Variants in CAMK2B observed in about 807,000 individuals in gnomAD.
CAMK2B encodes calcium/calmodulin dependent protein kinase II beta.
In CAMK2B, 27 loss-of-function variants were observed where a neutral mutation model predicts 93.7. That is an observed-to-expected ratio of 0.29 (90% CI 0.21 to 0.40). The LOEUF is 0.40. Ranked by LOEUF, CAMK2B falls within the 10% of genes least tolerant of loss-of-function variation. The pLI is 1.00. For synonymous variants in CAMK2B, 374 were observed against 358.8 expected (o/e 1.04, Z -0.48); for missense variants, 568 against 895.8 (o/e 0.63, Z 4.67).
At chr7:44,243,553 G>A in intron 6 of CAMK2B, 26 bp from the exon 7 acceptor site, 1 of 1,593,310 alleles carries the variant, frequency 6.3e-7, no homozygotes, top group African/African-American at 1.3e-5. Flanking sequence ...CGGCACAAGG[G>A]TGCATGTTGT....
At chr7:44,266,901 A>C (rs1003706605) in intron 2 of CAMK2B, 1 of 151,722 alleles carries the variant, frequency 6.6e-6, no homozygotes, top group Non-Finnish European at 1.5e-5. Flanking sequence ...CCAAGAACCC[A>C]CCCCATCCAA....
chr7:44,228,945 C>T (rs763908351), intron 18 of CAMK2B, 21 bp from the exon 19 acceptor site: 23 of 1,607,034 alleles, frequency 1.4e-5, no homozygotes, highest in South Asian at 4.4e-5. Flanking sequence ...ACAGATGAGA[C>T]GTGAACATGA....
intron 2 of CAMK2B, among the ~76,000 whole-genome samples, chr7:44,276,367 G>T (rs369344231): frequency 2.6e-5 from 4 of 152,312 alleles, no homozygotes; most frequent in African/African-American, 9.6e-5. Flanking sequence ...GCTGTGGATT[G>T]CGCGGGAGCC....
At chr7:44,321,236 G>A (rs1044403898) in intron 1 of CAMK2B, among the ~76,000 whole-genome samples, 3 of 152,226 alleles carry the variant, frequency 2.0e-5, no homozygotes, top group African/African-American at 7.2e-5. Flanking sequence ...CTACCTAACA[G>A]GCCATTCGCT....
intron 5 of CAMK2B, among the ~76,000 whole-genome samples, chr7:44,251,591 C>T (rs1324715824): frequency 1.3e-5 from 2 of 152,206 alleles, no homozygotes; most frequent in Admixed American, 6.5e-5. Flanking sequence ...AATCACTGCC[C>T]GGATCCTGGC....
At chr7:44,251,249 G>A (rs933675187) in intron 5 of CAMK2B, among the ~76,000 whole-genome samples, 4 of 152,192 alleles carry the variant, frequency 2.6e-5, no homozygotes, top group Non-Finnish European at 5.9e-5. Context: ...GTTCAGACAT[G>A]GGGCTCTGCC....
chr7:44,313,254 A>G (rs1794018023), intron 1 of CAMK2B, among the ~76,000 whole-genome samples: 1 of 152,046 alleles, frequency 6.6e-6, no homozygotes, highest in African/African-American at 2.4e-5. Flanking sequence ...GGGCACACAC[A>G]TTGTGCCTCA....
intron 5 of CAMK2B, 65 bp from the exon 6 acceptor site, chr7:44,247,257 G>A: frequency 7.3e-7 from 1 of 1,366,650 alleles, no homozygotes; most frequent in South Asian, 1.2e-5. Flanking sequence ...AGGCACTGGG[G>A]GCAGGGGCAA....
intron 5 of CAMK2B, among the ~76,000 whole-genome samples, chr7:44,252,335 T>C (rs2096788165): frequency 6.6e-6 from 1 of 151,408 alleles, no homozygotes; most frequent in Non-Finnish European, 1.5e-5. Context: ...CCAAACCTGA[T>C]GAACACAAAG....
chr7:44,266,528 AC>A (rs1263697352), intron 2 of CAMK2B, among the ~76,000 whole-genome samples: 1 of 152,162 alleles, frequency 6.6e-6, no homozygotes, highest in African/African-American at 2.4e-5. Context: ...CAGTGGAGCA[AC>A]CATATCTTGC....
At chr7:44,309,836 C>A (rs988712397) in intron 1 of CAMK2B, among the ~76,000 whole-genome samples, 3 of 116,650 alleles carry the variant, frequency 2.6e-5, no homozygotes, top group Admixed American at 1.6e-4. Flanking sequence ...ACTCGGCGTC[C>A]GTCCGCGCAG....
At chr7:44,274,986 G>A (rs976739540) in intron 2 of CAMK2B, among the ~76,000 whole-genome samples, 2 of 152,220 alleles carry the variant, frequency 1.3e-5, no homozygotes, top group African/African-American at 2.4e-5. Flanking sequence ...GCAGGGAGGC[G>A]ATGGTCTTTA....
rs948245608 is a variant in CAMK2B at position 44,224,775 on chromosome 7, G to A, written c.1597+1741C>T. ...TAGAGAGCGTGGGTGGGGAGGAGAC[G>A]GGGCCTGAGGCGGGCCGTGGGCACC... On this transcript the variant is annotated intron_variant, in intron 20 of 23. Transcript: ENST00000395749. The surrounding 1 kb of genome is among the most constrained non-coding windows in gnomAD (Gnocchi z 4.4). Among the ~76,000 whole-genome samples the A allele has an allele frequency of 6.6e-6, 1 of 152,066 alleles. No individual in the cohort carries two copies. The highest frequency in any genetic ancestry group is 1.5e-5 in the Non-Finnish European group (1 of 68,006).
At chr7:44,232,467 AG>A (rs780077841) in intron 16 of CAMK2B, among the ~76,000 whole-genome samples, 1 of 152,134 alleles carries the variant, frequency 6.6e-6, no homozygotes, top group Non-Finnish European at 1.5e-5. Flanking sequence ...GGTGGGGTGG[AG>A]GACAGCCAGG....
chr7:44,219,194 C>A lies in CAMK2B; in HGVS notation c.*331G>T, dbSNP rs1411066189. 6.6e-6 allele frequency: 1 copy of A among 152,026 alleles called. No individual in the cohort carries two copies. The highest frequency in any genetic ancestry group is 1.5e-5 in the Non-Finnish European group (1 of 68,030). The allele number at this position is 152,026 out of a possible 1,614,324, so 9.4% of individuals were successfully genotyped here. On this transcript the variant is annotated 3_prime_UTR_variant, in exon 24 of 24. Transcript: ENST00000395749. Reference sequence around the variant, plus strand: ...CAGCTGGTCCCCCAGAGGCCAGGAGCACAGACGGACACACGTGGAGCTTGG... The same window carrying A: ...CAGCTGGTCCCCCAGAGGCCAGGAGAACAGACGGACACACGTGGAGCTTGG...
chr7:44,238,423 C>T (rs1008391195), intron 13 of CAMK2B, among the ~76,000 whole-genome samples: 3 of 152,184 alleles, frequency 2.0e-5, no homozygotes, highest in African/African-American at 7.2e-5. Flanking sequence ...CCACTAGCCT[C>T]ACTCTTTTCT....
chr7:44,256,892 C>T (rs1317229105), intron 4 of CAMK2B, among the ~76,000 whole-genome samples: 1 of 152,212 alleles, frequency 6.6e-6, no homozygotes, highest in Non-Finnish European at 1.5e-5. Context: ...CCTCCACCCA[C>T]GTTGGTTGCT....
At position 44,225,731 on chromosome 7, in the gene CAMK2B, A is replaced by T; in HGVS notation, c.1597+785T>A. On this transcript the variant is annotated intron_variant, in intron 20 of 23. Transcript: ENST00000395749. This position sits in a 1 kb window ranked among gnomAD's most constrained non-coding sequence, Gnocchi z 5.0. ...CCCAGCCTGCAGAGGGGACGGTGGC[A>T]AGCAGACCCCACCTGTCCCTCAAGT... 1.6e-6 allele frequency: 2 copies of T among 1,289,050 alleles called. No individual in the cohort carries two copies. Among genetic ancestry groups the T allele is most frequent in the Non-Finnish European group, 2.0e-6 (2 of 988,518 alleles). The allele number at this position is 1,289,050 out of a possible 1,614,324, so 79.9% of individuals were successfully genotyped here.
chr7:44,317,640 CTGTT>C lies in CAMK2B; in HGVS notation c.65+7713_65+7716del, dbSNP rs560432682. ...AATATATTTTTAAAGTTCCTTTCAC[CTGTT>C]TCTTTTTTTTCTTTACGTACTAGAA... On this transcript the variant is annotated intron_variant, in intron 1 of 23. Transcript: ENST00000395749. Among the ~76,000 whole-genome samples the C allele has an allele frequency of 6.1e-3, 733 of 119,454 alleles. 5 individuals carry two copies. Among genetic ancestry groups the C allele is most frequent in the African/African-American group, 0.021 (703 of 32,762 alleles). The allele number at this position is 119,454 out of a possible 152,430, so 78.4% of individuals were successfully genotyped here. A position where few individuals can be genotyped will look rare whatever the true frequency, so the allele number is the denominator to read the frequency against.
Sources: allele counts gnomAD v4.1 joint callset (sites outside exome capture counted in the v4.1 genomes callset), GRCh38; gene constraint gnomAD v4.1.1; non-coding constraint Gnocchi (gnomAD v3.1); transcripts MANE v1.5; gene names NCBI Gene and HGNC (gene_info 2026-07-23, HGNC 2026-07-21).